RNF38: variants seen among roughly 807,000 people sequenced by gnomAD.
RNF38 encodes the protein ring finger protein 38.
Under a neutral mutation model 67.2 loss-of-function variants are expected in RNF38, and 15 were observed. That is an observed-to-expected ratio of 0.22 (90% CI 0.15 to 0.34). RNF38 has a LOEUF of 0.34. Ranked by LOEUF, RNF38 falls within the 10% of genes least tolerant of loss-of-function variation. RNF38 has a pLI of 1.00. For missense variants in RNF38, 524 were observed against 639.9 expected, an observed-to-expected ratio of 0.82 and a Z score of 1.95; for synonymous variants, 220 against 218.8, an observed-to-expected ratio of 1.01 and a Z score of -0.05.
At chr9:36,370,956 T>A (rs1456190147) in intron 3 of RNF38, among the ~76,000 whole-genome samples, 1 of 152,196 alleles carries the variant, frequency 6.6e-6, no homozygotes, top group African/African-American at 2.4e-5. Context: ...CAACCCACAT[T>A]TACTCTCCAT....
At position 36,352,743 on chromosome 9, in the gene RNF38, A is replaced by T. The variant is rs749407507; in HGVS notation, c.1177T>A (p.Leu393Ile). ...TCATTAAGATAAGAAAGAACTTACA[A>T]CACATATGGCAGTAAGCTGGGATGA... ...PYHPSLLPYV[L>I]SMLPVPPAVG... Residue 393 changes from leucine (L) to isoleucine (I), a missense_variant and splice_region_variant, in exon 8 of 12, where the codon TTA (leucine) becomes ATA (isoleucine). Leu to Ile is a conservative substitution (Grantham distance 5, BLOSUM62 2). Coordinates refer to ENST00000259605, the MANE Select transcript of RNF38 (RefSeq NM_022781.5). The T allele has an allele frequency of 1.9e-6, 3 of 1,601,916 alleles. No homozygotes were observed. The Admixed American group carries it at 5.0e-5, about 27-fold the overall frequency.
In RNF38 at chr9:36,353,299, G is replaced by A; in HGVS notation, c.942C>T (p.Leu314=). Residue 314 remains leucine (L), a synonymous_variant, in exon 7 of 12, where the codon CTC becomes CTT. Transcript: ENST00000259605. ...PLQRIENEVE[L]LGEHLPVGGF... is the part of the protein sequence containing the mutation. ...CTCCTACTGGAAGATGTTCTCCTAA[G>A]AGTTCCACTTCATTTTCTATCCTTT... 6.2e-7 allele frequency: 1 copy of A among 1,611,660 alleles called. No homozygotes were observed. The highest frequency in any genetic ancestry group is 8.5e-7 in the Non-Finnish European group (1 of 1,179,098).
rs556497527 is a variant in RNF38 at position 36,410,951 on chromosome 9, G to C, written n.312+13662C>G. On this transcript the variant is annotated intron_variant and non_coding_transcript_variant, in intron 2 of 3. Coordinates refer to the RNF38 transcript ENST00000488058. ...GATGAAAAAGTTCTGGAGATGGAGA[G>C]TGGTGGTGGCTGCACAAAAAGGTGA... 2.0e-5 allele frequency among the ~76,000 whole-genome samples: 3 copies of C among 152,252 alleles called. No homozygotes were observed. The South Asian group carries it at 6.2e-4, about 32-fold the overall frequency.
chr9:36,427,836 G>A (rs900880172), intron 1 of RNF38, among the ~76,000 whole-genome samples: 2 of 151,658 alleles, frequency 1.3e-5, no homozygotes, highest in Admixed American at 6.6e-5. Flanking sequence ...TCAGCCTCCC[G>A]AGTAGCTGGG....
chr9:36,439,735 G>A (rs1390149523), intron 1 of RNF38, among the ~76,000 whole-genome samples: 1 of 147,178 alleles, frequency 6.8e-6, no homozygotes, highest in Admixed American at 6.9e-5. Context: ...AGGTTGTAGT[G>A]AGCCGAGATT....
chr9:36,405,436 T>A (rs902144012), upstream of RNF38, among the ~76,000 whole-genome samples: 7 of 152,216 alleles, frequency 4.6e-5, no homozygotes, highest in Admixed American at 4.6e-4. Context: ...TCTAAATGGT[T>A]GATTTGGTTT....
Position 36,351,109 on chromosome 9 carries a change from A to G in RNF38, c.1263+6T>C, listed in dbSNP as rs1564000082. On this transcript the variant is annotated splice_donor_region_variant and intron_variant, in intron 9 of 11. Coordinates refer to ENST00000259605, the MANE Select transcript of RNF38 (RefSeq NM_022781.5). ...CCCCAAATTAATTCACAATTCATCTACTAACCTCGTAATTTTCTACTTCTC... is the reference window on the plus strand; with the variant it reads ...CCCCAAATTAATTCACAATTCATCTGCTAACCTCGTAATTTTCTACTTCTC... 3 of 1,589,826 alleles carry G rather than the reference A, an allele frequency of 1.9e-6. No individual in the cohort carries two copies. The highest frequency in any genetic ancestry group is 1.7e-6 in the Non-Finnish European group (2 of 1,158,918).
At position 36,356,485 on chromosome 9, in the gene RNF38, A is replaced by G; in HGVS notation, c.739-12T>C. The stretch of plus-strand genomic sequence containing the variant: ...CATGCCTGAAGCATCTGTAAGAGAA[A>G]CCATTACAGTTTGGTTAAAAATATC... On this transcript the variant is annotated splice_polypyrimidine_tract_variant and intron_variant, in intron 5 of 11. Transcript: ENST00000259605. The G allele has an allele frequency of 6.5e-7, 1 of 1,544,012 alleles. No individual in the cohort carries two copies.
At chr9:36,429,628 T>C (rs1391718988) in intron 1 of RNF38, among the ~76,000 whole-genome samples, 1 of 152,026 alleles carries the variant, frequency 6.6e-6, no homozygotes, top group Non-Finnish European at 1.5e-5. Flanking sequence ...ACCCTGCCTT[T>C]ATTAAAAATA....
At position 36,343,646 on chromosome 9, in the gene RNF38, A is replaced by T. The variant is rs62541828; in HGVS notation, c.1385+1186T>A. ...CATTATTTAGCTTTGGCATTATTCA[A>T]TCCCAAAGTGGAAACCCAAATGTCC... is the stretch of plus-strand genomic sequence containing the variant. On this transcript the variant is annotated intron_variant, in intron 10 of 11. Transcript: ENST00000259605. 2.0e-5 allele frequency among the ~76,000 whole-genome samples: 3 copies of T among 152,192 alleles called. No individual in the cohort carries two copies. In the East Asian group the frequency reaches 5.8e-4, roughly 29 times the overall value.
chr9:36,438,904 T>C (rs1839132141), intron 1 of RNF38, among the ~76,000 whole-genome samples: 1 of 152,196 alleles, frequency 6.6e-6, no homozygotes, highest in Non-Finnish European at 1.5e-5. Context: ...CATGAGAGCT[T>C]AGGAACTATT....
rs776715570 is a variant in RNF38, at chr9:36,344,896, C to G, written c.1321G>C (p.Ala441Pro). 7 of 1,614,096 alleles carry G rather than the reference C, an allele frequency of 4.3e-6. No individual in the cohort carries two copies. In the Admixed American group the frequency reaches 5.0e-5, roughly 12 times the overall value. ...TAAGAAGGAAGTTGTTCAATATCTG[C>G]TTTAGTCAGTCCACGAGGCTTTGCC... is the stretch of plus-strand genomic sequence containing the variant. ...GEAKPRGLTK[A>P]DIEQLPSYRF... The change falls in exon 10 of 12, where the codon GCA becomes CCA. Residue 441 changes from alanine to proline, a missense_variant. Physicochemically the swap from Ala to Pro is conservative, Grantham distance 27. Coordinates refer to ENST00000259605, the MANE Select transcript of RNF38 (RefSeq NM_022781.5).
chr9:36,444,409 C>G (rs1363222553), intron 1 of RNF38, among the ~76,000 whole-genome samples: 1 of 152,144 alleles, frequency 6.6e-6, no homozygotes, highest in Non-Finnish European at 1.5e-5. Context: ...CCATGTCACA[C>G]GTTTACCTAT....
chr9:36,351,670 A>G (rs1485942838), intron 8 of RNF38, among the ~76,000 whole-genome samples: 1 of 152,220 alleles, frequency 6.6e-6, no homozygotes, highest in East Asian at 1.9e-4. Flanking sequence ...AGGAAAAACT[A>G]TGACCACAGT....
At chr9:36,353,059 T>G (rs546097357) in intron 7 of RNF38, 111 bp downstream of exon 7, 4 of 997,802 alleles carry the variant, frequency 4.0e-6, no homozygotes, top group Non-Finnish European at 6.1e-6. Flanking sequence ...TCCAACTGAA[T>G]GCTGTCGAGA....
At chr9:36,466,295 C>T (rs952507844) in intron 1 of RNF38, among the ~76,000 whole-genome samples, 3 of 152,068 alleles carry the variant, frequency 2.0e-5, no homozygotes, top group Admixed American at 6.6e-5. Flanking sequence ...GATTTCTTTT[C>T]AGGGAGATGA....
chr9:36,339,444 C>T lies in RNF38; in HGVS notation c.*308G>A, dbSNP rs530775720. On this transcript the variant is annotated 3_prime_UTR_variant, in exon 12 of 12. Coordinates refer to ENST00000259605, the MANE Select transcript of RNF38 (RefSeq NM_022781.5). Reference sequence around the variant, plus strand: ...TATAAAAGCACATGCTAAAAGATCACGTCCACTGTAATCTTGCAGCAACAC... The same window carrying T: ...TATAAAAGCACATGCTAAAAGATCATGTCCACTGTAATCTTGCAGCAACAC... The T allele has an allele frequency of 8.6e-5, 29 of 338,210 alleles. No individual in the cohort carries two copies. The Admixed American group carries it at 9.7e-4, about 11-fold the overall frequency. 21.0% of individuals were successfully genotyped at this position (338,210 alleles called of 1,614,324 possible).
intron 3 of RNF38, among the ~76,000 whole-genome samples, chr9:36,373,540 C>CA (rs1381877396): frequency 1.3e-5 from 2 of 149,618 alleles, no homozygotes; most frequent in Admixed American, 1.3e-4. Flanking sequence ...TTTGAGGGAT[C>CA]AATAACACTA....
intron 1 of RNF38, among the ~76,000 whole-genome samples, chr9:36,452,112 A>G (rs1839466531): frequency 6.6e-6 from 1 of 152,096 alleles, no homozygotes; most frequent in Non-Finnish European, 1.5e-5. Flanking sequence ...AGTTCTAGCT[A>G]CTCAGGAGGC....
Sources: allele counts gnomAD v4.1 joint callset (sites outside exome capture counted in the v4.1 genomes callset), GRCh38; gene constraint gnomAD v4.1.1; transcripts MANE v1.5; gene names NCBI Gene and HGNC (gene_info 2026-07-23, HGNC 2026-07-21).